The following CPT1A variants were observed in gnomAD, a reference collection of about 807,000 sequenced individuals.
The protein encoded by CPT1A is carnitine palmitoyltransferase 1A, also known as carnitine O-palmitoyltransferase 1, liver isoform.
In CPT1A, 64 loss-of-function variants were observed where a neutral mutation model predicts 100.8. The ratio of observed to expected loss-of-function variants is 0.63; its 90% confidence interval spans 0.52 to 0.78. The LOEUF (loss-of-function observed/expected upper bound fraction) is 0.78, where lower values mean the gene tolerates loss of function less well. Among genes scored for constraint, CPT1A ranks in the 30% least tolerant of loss-of-function variants. The pLI, the probability that CPT1A is intolerant of heterozygous loss-of-function variation, is 0.00. For synonymous variants in CPT1A, 363 were observed against 396.0 expected (o/e 0.92, Z 0.99); for missense variants, 802 against 1,034.1 (o/e 0.78, Z 3.08).
At chr11:68,798,591 A>T (rs1442024500) in intron 6 of CPT1A, among the ~76,000 whole-genome samples, 2 of 150,648 alleles carry the variant, frequency 1.3e-5, no homozygotes, top group Admixed American at 1.3e-4. Flanking sequence ...TCGTTGGAGG[A>T]GATGCTCCTG....
chr11:68,816,621 G>A (rs1371334643), intron 1 of CPT1A, among the ~76,000 whole-genome samples: 1 of 152,130 alleles, frequency 6.6e-6, no homozygotes, highest in Non-Finnish European at 1.5e-5. Context: ...TGGACCCCCC[G>A]GGGTGGTGGC....
chr11:68,780,540 TC>T lies in CPT1A; in HGVS notation c.1458+99del, dbSNP rs1347497728. ...CTCAGGTGATCTGCCCGCCTCGGCC[TC>T]CCAAAGTGCTGGGATTACAGGTGTG... On this transcript the variant is annotated intron_variant, in intron 12 of 18. Coordinates refer to ENST00000265641, the MANE Select transcript of CPT1A (RefSeq NM_001876.4). 3.9e-6 allele frequency: 4 copies of T among 1,036,226 alleles called. No individual in the cohort carries two copies. The African/African-American group carries it at 6.3e-5, about 16-fold the overall frequency. 64.2% of individuals were successfully genotyped at this position (1,036,226 alleles called of 1,614,324 possible). A position where few individuals can be genotyped will look rare whatever the true frequency, so the allele number is the denominator to read the frequency against.
At chr11:68,805,285 A>G (rs560574590) in intron 4 of CPT1A, among the ~76,000 whole-genome samples, 4 of 152,110 alleles carry the variant, frequency 2.6e-5, no homozygotes, top group South Asian at 2.1e-4. Context: ...CCCTGTCTCT[A>G]TTAAAAATAC....
intron 9 of CPT1A, among the ~76,000 whole-genome samples, chr11:68,791,622 C>T (rs1855615334): frequency 6.6e-6 from 1 of 152,072 alleles, no homozygotes; most frequent in Non-Finnish European, 1.5e-5. Context: ...CTGCAACCTC[C>T]ACCTCCCATG....
At chr11:68,804,789 AG>A (rs1855998818) in intron 4 of CPT1A, among the ~76,000 whole-genome samples, 1 of 152,154 alleles carries the variant, frequency 6.6e-6, no homozygotes, top group Non-Finnish European at 1.5e-5. Flanking sequence ...AACAGTGAGG[AG>A]GGTCAACGTG....
chr11:68,797,159 T>C (rs1268357570), intron 6 of CPT1A, among the ~76,000 whole-genome samples: 3 of 152,140 alleles, frequency 2.0e-5, no homozygotes, highest in Non-Finnish European at 2.9e-5. Context: ...AGAAAGAAGG[T>C]ACATCACCTT....
chr11:68,803,976 G>A, intron 5 of CPT1A, 24 bp downstream of exon 5: 3 of 1,560,506 alleles, frequency 1.9e-6, no homozygotes, highest in African/African-American at 1.4e-5. Context: ...TGGCATTTCA[G>A]TGTGAGGCCT....
intron 9 of CPT1A, among the ~76,000 whole-genome samples, chr11:68,789,475 C>T (rs370566094): frequency 6.6e-6 from 1 of 152,086 alleles, no homozygotes; most frequent in Non-Finnish European, 1.5e-5. Context: ...CAGCTTACTG[C>T]AAGCTCCTCC....
rs767279693 is a variant in CPT1A at position 68,773,406 on chromosome 11, G to T, written c.1599C>A (p.Ser533=). The T allele has an allele frequency of 1.9e-6, 3 of 1,614,032 alleles. No homozygotes were observed. The Admixed American group carries it at 5.0e-5, about 27-fold the overall frequency. Residue 533 remains serine, a synonymous_variant, in exon 14 of 19, where the codon TCC becomes TCA. Transcript: ENST00000265641. ...PGECQEVIET[S]LNTANLLAND... ...TTGCCAGAAGATTTGCGGTGTTCAG[G>T]GAGGTCTCTATAACCTCTTGACACT...
intron 9 of CPT1A, among the ~76,000 whole-genome samples, chr11:68,791,079 C>T (rs1200332183): frequency 6.6e-6 from 1 of 152,214 alleles, no homozygotes; most frequent in East Asian, 1.9e-4. Flanking sequence ...CTGCCTTGGC[C>T]TCCCAAAGTG....
At chr11:68,803,076 C>G (rs1208270423) in intron 5 of CPT1A, among the ~76,000 whole-genome samples, 1 of 152,182 alleles carries the variant, frequency 6.6e-6, no homozygotes, top group Non-Finnish European at 1.5e-5. Context: ...CCACCCTCAG[C>G]TGGTGACCCT....
At chr11:68,783,856 C>A (rs1311840841) in intron 10 of CPT1A, among the ~76,000 whole-genome samples, 1 of 152,184 alleles carries the variant, frequency 6.6e-6, no homozygotes, top group African/African-American at 2.4e-5. Flanking sequence ...GAAAACCAAG[C>A]TCGGGCTGAT....
At chr11:68,825,651 C>T (rs1467222760) in intron 1 of CPT1A, among the ~76,000 whole-genome samples, 1 of 152,056 alleles carries the variant, frequency 6.6e-6, no homozygotes, top group East Asian at 1.9e-4. Flanking sequence ...GGCCTCCCCC[C>T]AGTGCCCGCC....
intron 12 of CPT1A, among the ~76,000 whole-genome samples, chr11:68,776,434 AAAG>A (rs1218194883): frequency 2.0e-5 from 3 of 152,186 alleles, no homozygotes; most frequent in African/African-American, 7.2e-5. Context: ...AGAAAAGAAA[AAAG>A]AAGCCAGACA....
intron 14 of CPT1A, among the ~76,000 whole-genome samples, chr11:68,766,533 C>T (rs1223095341): frequency 5.9e-5 from 9 of 151,870 alleles, no homozygotes; most frequent in Admixed American, 1.3e-4. Context: ...TCGCCCATGC[C>T]GGAGTGCAGT....
At chr11:68,795,075 T>C (rs554403064) in intron 7 of CPT1A, among the ~76,000 whole-genome samples, 164 bp from the exon 8 acceptor site, 1 of 152,362 alleles carries the variant, frequency 6.6e-6, no homozygotes, top group East Asian at 1.9e-4. Context: ...TAATTTGATT[T>C]TCTCCACTTT....
At chr11:68,781,135 C>T (rs899273086) in intron 11 of CPT1A, among the ~76,000 whole-genome samples, 1 of 152,148 alleles carries the variant, frequency 6.6e-6, no homozygotes, top group African/African-American at 2.4e-5. Context: ...CTTGAGATAG[C>T]CACATGCCAA....
chr11:68,762,701 TC>T lies in CPT1A; in HGVS notation c.1800del (p.Arg601GlyfsTer30). 6.2e-7 allele frequency: 1 copy of T among 1,613,622 alleles called. No individual in the cohort carries two copies. The highest frequency in any genetic ancestry group is 8.5e-7 in the Non-Finnish European group (1 of 1,179,940). ...EASMTRLFREGRTETVRSCTT... is the reference protein window; with the variant it reads ...EASMTRLFREXRTETVRSCTT... ...GTGCAGGAGCGCACGGTCTCCGTCC[TC>T]CCCTCTCGGAAGAGCCGGGTCATGG... On this transcript the variant is annotated frameshift_variant, in exon 15 of 19. Transcript: ENST00000265641. LOFTEE classifies it high-confidence loss of function.
chr11:68,838,990 G>A (rs1857091766), intron 1 of CPT1A, among the ~76,000 whole-genome samples: 4 of 152,122 alleles, frequency 2.6e-5, no homozygotes, highest in Non-Finnish European at 4.4e-5. Context: ...CCTCTTTAAA[G>A]TGTGTTGGAG....
Sources: gnomAD v4.1 joint callset for allele counts (sites outside exome capture counted in the v4.1 genomes callset) on GRCh38, gnomAD v4.1.1 for gene constraint, MANE v1.5 for transcripts, NCBI Gene and HGNC (gene_info 2026-07-23, HGNC 2026-07-21) for gene names.